TECPR2: variants seen among roughly 807,000 people sequenced by gnomAD.
TECPR2 encodes tectonin beta-propeller repeat-containing protein 2.
In TECPR2, 65 loss-of-function variants were observed where a neutral mutation model predicts 138.1. That is an observed-to-expected ratio of 0.47 (90% CI 0.39 to 0.58). The LOEUF (loss-of-function observed/expected upper bound fraction) is 0.58. Among genes scored for constraint, TECPR2 ranks in the 20% least tolerant of loss-of-function variants. The pLI is 0.00. For missense variants in TECPR2, 1,553 were observed against 1,824.5 expected (o/e 0.85, Z 2.71); for synonymous variants, 746 against 749.8 (o/e 0.99, Z 0.08).
intron 1 of TECPR2, among the ~76,000 whole-genome samples, chr14:102,371,478 G>A (rs916325125): frequency 1.2e-4 from 18 of 152,150 alleles, no homozygotes; most frequent in Admixed American, 9.8e-4. Flanking sequence ...AGCTCATCCA[G>A]AGGCCCCCAG....
At chr14:102,455,066 G>T (rs773023140) in intron 16 of TECPR2, among the ~76,000 whole-genome samples, 10 of 152,192 alleles carry the variant, frequency 6.6e-5, no homozygotes, top group Non-Finnish European at 8.8e-5. Flanking sequence ...TTCTCTCGGG[G>T]AGAAACCTGG....
intron 19 of TECPR2, 81 bp from the exon 20 acceptor site, chr14:102,498,022 C>CGCCCAAGCTCCCTGCTCCATCTGT: frequency 6.6e-7 from 1 of 1,510,190 alleles, no homozygotes; most frequent in Non-Finnish European, 8.9e-7. Flanking sequence ...CCCAGACCTG[C>CGCCCAAGCTCCCTGCTCCATCTGT]GCCCAAGCTC....
chr14:102,472,818 A>C (rs1399267611), intron 17 of TECPR2, among the ~76,000 whole-genome samples: 2 of 152,250 alleles, frequency 1.3e-5, no homozygotes, highest in East Asian at 3.8e-4. Flanking sequence ...GGTGTGTGCC[A>C]AGCCCAGGCA....
At chr14:102,498,052 C>CTCCCAGCTCCATCTGTGCCCA in intron 19 of TECPR2, 51 bp from the exon 20 acceptor site, 1 of 1,003,116 alleles carries the variant, frequency 1.0e-6, no homozygotes, top group Non-Finnish European at 1.4e-6. Context: ...TCTGTGCCCA[C>CTCCCAGCTCCATCTGTGCCCA]CCCACAGGCT....
At position 102,431,903 on chromosome 14, in the gene TECPR2, A is replaced by G. The variant is rs1889502873; in HGVS notation, c.1192A>G (p.Met398Val). 2.5e-6 allele frequency: 4 copies of G among 1,610,654 alleles called. No individual in the cohort carries two copies. Among genetic ancestry groups the G allele is most frequent in the South Asian group, 1.1e-5 (1 of 91,018 alleles). The stretch of plus-strand genomic sequence containing the variant: ...TGAGACGAGGCTCAGAGGCTCTTCC[A>G]TGGCCAGCTCCGTGGCCAGCGAGCC... ...VSETRLRGSS[M>V]ASSVASEPRS... The change falls in exon 8 of 20, where the codon ATG becomes GTG. Residue 398 changes from methionine (M) to valine (V), a missense_variant. Coordinates refer to ENST00000359520, the MANE Select transcript of TECPR2 (RefSeq NM_014844.5).
At chr14:102,389,171 C>T (rs1313768712) in intron 2 of TECPR2, among the ~76,000 whole-genome samples, 1 of 146,482 alleles carries the variant, frequency 6.8e-6, no homozygotes, top group Non-Finnish European at 1.5e-5. Context: ...AATAAAAATA[C>T]AAAAATTAGC....
intron 17 of TECPR2, among the ~76,000 whole-genome samples, chr14:102,490,605 G>A (rs1361622770): frequency 6.6e-6 from 1 of 152,224 alleles, no homozygotes; most frequent in Non-Finnish European, 1.5e-5. Flanking sequence ...ACCACCCGGG[G>A]TGCTGAGCTC....
chr14:102,363,292 C>T (rs1887234042), intron 1 of TECPR2, among the ~76,000 whole-genome samples, 176 bp downstream of exon 1: 1 of 152,168 alleles, frequency 6.6e-6, no homozygotes, highest in Admixed American at 6.5e-5. Context: ...GAGTGGCGGA[C>T]ACTAAATGCC....
intron 17 of TECPR2, among the ~76,000 whole-genome samples, chr14:102,481,747 C>T (rs1206796800): frequency 6.6e-6 from 1 of 152,220 alleles, no homozygotes; most frequent in African/African-American, 2.4e-5. Context: ...CGCTGCCTGT[C>T]TCTGAATGCT....
At chr14:102,439,210 C>T (rs566038896) in intron 10 of TECPR2, among the ~76,000 whole-genome samples, 6 of 152,158 alleles carry the variant, frequency 3.9e-5, no homozygotes, top group African/African-American at 1.4e-4. Context: ...GGCACCTACG[C>T]CAGTGGGGAC....
intron 2 of TECPR2, among the ~76,000 whole-genome samples, chr14:102,379,143 A>C (rs117673958): frequency 0.027 from 4,139 of 152,326 alleles, 75 homozygotes; most frequent in Middle Eastern, 0.079. Flanking sequence ...AACAAGATCT[A>C]TCAAAGAAAT....
chr14:102,469,478 A>G (rs1890616338), intron 17 of TECPR2, among the ~76,000 whole-genome samples: 1 of 152,140 alleles, frequency 6.6e-6, no homozygotes, highest in Non-Finnish European at 1.5e-5. Context: ...TGCATTTTCT[A>G]TAGATGAGAT....
intron 17 of TECPR2, among the ~76,000 whole-genome samples, chr14:102,466,855 C>T (rs1229901548): frequency 6.6e-6 from 1 of 152,202 alleles, no homozygotes; most frequent in Non-Finnish European, 1.5e-5. Context: ...GGCAGCCACT[C>T]ATCTGCTTTC....
Position 102,498,765 on chromosome 14 carries a change from G to A in TECPR2, c.*508G>A. 2.1e-6 allele frequency: 1 copy of A among 487,788 alleles called. No individual in the cohort carries two copies. The highest frequency in any genetic ancestry group is 1.8e-5 in the South Asian group (1 of 56,104). 30.2% of individuals were successfully genotyped at this position (487,788 alleles called of 1,614,324 possible). On this transcript the variant is annotated 3_prime_UTR_variant, in exon 20 of 20. Coordinates refer to ENST00000359520, the MANE Select transcript of TECPR2 (RefSeq NM_014844.5). Reference sequence around the variant, plus strand: ...GTCCCCCCAGAGACAAAGCTGCAGAGCACATTCCATGCCAGACGCTCTGGC... The same window carrying A: ...GTCCCCCCAGAGACAAAGCTGCAGAACACATTCCATGCCAGACGCTCTGGC...
At chr14:102,384,684 A>AAAAT (rs1555448047) in intron 2 of TECPR2, among the ~76,000 whole-genome samples, 1 of 146,634 alleles carries the variant, frequency 6.8e-6, no homozygotes, top group East Asian at 2.0e-4. Flanking sequence ...CTCAAAAAAA[A>AAAAT]ATATATATAT....
Position 102,431,912 on chromosome 14 carries a change from T to G in TECPR2, c.1201T>G (p.Ser401Ala). The change falls in exon 8 of 20, where the codon TCC (serine) becomes GCC (alanine). Residue 401 changes from serine to alanine, a missense_variant. Coordinates refer to ENST00000359520, the MANE Select transcript of TECPR2 (RefSeq NM_014844.5). ...TRLRGSSMAS[S>A]VASEPRSRSS... The stretch of plus-strand genomic sequence containing the variant: ...GCTCAGAGGCTCTTCCATGGCCAGC[T>G]CCGTGGCCAGCGAGCCAAGGAGCAG... 1 of 1,610,996 alleles carries G rather than the reference T, an allele frequency of 6.2e-7. No homozygotes were observed. The highest frequency in any genetic ancestry group is 8.5e-7 in the Non-Finnish European group (1 of 1,177,840).
intron 5 of TECPR2, among the ~76,000 whole-genome samples, chr14:102,422,636 T>A (rs74364732): frequency 0.038 from 5,736 of 152,284 alleles, 123 homozygotes; most frequent in Middle Eastern, 0.092. Context: ...TCTTTAGAGA[T>A]ACATAGATAT....
chr14:102,491,998 C>CCAGT (rs1409024018), intron 17 of TECPR2, among the ~76,000 whole-genome samples: 2 of 152,324 alleles, frequency 1.3e-5, no homozygotes, highest in East Asian at 3.8e-4. Flanking sequence ...ATGAGCCCTG[C>CCAGT]CAGTGGTAGG....
intron 19 of TECPR2, 109 bp downstream of exon 19, chr14:102,497,828 CA>C: frequency 7.3e-7 from 1 of 1,377,954 alleles, no homozygotes; most frequent in Non-Finnish European, 9.6e-7. Flanking sequence ...TCCAATCTCT[CA>C]AAGCAAGAAC....
Sources: allele counts gnomAD v4.1 joint callset (sites outside exome capture counted in the v4.1 genomes callset), GRCh38; gene constraint gnomAD v4.1.1; transcripts MANE v1.5; gene names NCBI Gene and HGNC (gene_info 2026-07-23, HGNC 2026-07-21).